The following HMGXB3 variants were observed in gnomAD, a reference collection of about 807,000 sequenced individuals.
HMGXB3 encodes HMG domain-containing protein 3.
HMGXB3 carries 45 observed loss-of-function variants against 121.5 expected under a neutral mutation model. The ratio of observed to expected loss-of-function variants is 0.37; its 90% confidence interval spans 0.29 to 0.47. The LOEUF is 0.47. Among genes scored for constraint, HMGXB3 ranks in the 20% least tolerant of loss-of-function variants. The pLI, the probability that HMGXB3 is intolerant of heterozygous loss-of-function variation, is 0.99. For missense variants in HMGXB3, 1,376 were observed against 1,602.2 expected, an observed-to-expected ratio of 0.86 and a Z score of 2.41; for synonymous variants, 590 against 624.1, an observed-to-expected ratio of 0.95 and a Z score of 0.81.
intron 19 of HMGXB3, 78 bp downstream of exon 19, chr5:150,050,539 T>A: frequency 1.7e-6 from 2 of 1,152,196 alleles, no homozygotes; most frequent in Non-Finnish European, 2.5e-6. Flanking sequence ...TGGAGTGCAG[T>A]GGTGTTATCT....
rs1328374603 is a variant in HMGXB3 at position 150,041,815 on chromosome 5, A to G, written c.2576A>G (p.Gln859Arg). 13 of 1,551,618 alleles carry G rather than the reference A, an allele frequency of 8.4e-6. No homozygotes were observed. Among genetic ancestry groups the G allele is most frequent in the Non-Finnish European group, 1.0e-5 (12 of 1,146,900 alleles). ...ACTCTGACCTCGGAGGAGCTGAGCC[A>G]GCTGCAGGAGCTGCTGTGCAATGGC... ...EKTLTSEELS[Q>R]LQELLCNGYW... is the part of the protein sequence containing the mutation. Residue 859 changes from glutamine (Q) to arginine (R), a missense_variant, in exon 15 of 20, where the codon CAG becomes CGG. Physicochemically the swap from Gln to Arg is conservative, Grantham distance 43 (BLOSUM62 1). Transcript: ENST00000502717.
At chr5:150,043,832 A>T (rs1158921249) in intron 15 of HMGXB3, among the ~76,000 whole-genome samples, 2 of 152,194 alleles carry the variant, frequency 1.3e-5, no homozygotes, top group African/African-American at 4.8e-5. Context: ...TGGGGCTGAG[A>T]TTGACCTTGC....
chr5:150,003,618 C>G (rs911394493), intron 1 of HMGXB3, among the ~76,000 whole-genome samples: 27 of 135,570 alleles, frequency 2.0e-4, no homozygotes, highest in African/African-American at 6.5e-4. Context: ...AAAAAAAAAA[C>G]TTAATGAACT....
intron 13 of HMGXB3, among the ~76,000 whole-genome samples, chr5:150,039,228 A>G (rs1465205500): frequency 6.6e-6 from 1 of 152,218 alleles, no homozygotes; most frequent in Non-Finnish European, 1.5e-5. Flanking sequence ...GTACACATCA[A>G]TTTGGGAAAT....
intron 16 of HMGXB3, 116 bp downstream of exon 16, chr5:150,045,801 T>C: frequency 2.7e-6 from 2 of 751,574 alleles, no homozygotes; most frequent in South Asian, 1.8e-5. Flanking sequence ...GCTGCAGGAC[T>C]CCTTTCAGAA....
At chr5:150,050,581 A>G (rs1756867241) in intron 19 of HMGXB3, 120 bp downstream of exon 19, 1 of 742,872 alleles carries the variant, frequency 1.3e-6, no homozygotes, top group Non-Finnish European at 2.2e-6. Flanking sequence ...TCCCAGGTTC[A>G]AGCAGTTCTC....
intron 5 of HMGXB3, chr5:150,014,851 C>G (rs1409136377): frequency 1.9e-6 from 1 of 512,990 alleles, no homozygotes; most frequent in Non-Finnish European, 3.4e-6. Flanking sequence ...ACTACCTGGT[C>G]TTCCCAAACA....
At chr5:150,017,867 A>G (rs918624612) in intron 5 of HMGXB3, among the ~76,000 whole-genome samples, 1 of 152,268 alleles carries the variant, frequency 6.6e-6, no homozygotes, top group African/African-American at 2.4e-5. Flanking sequence ...TATAACCCAT[A>G]GTAATACATT....
intron 11 of HMGXB3, among the ~76,000 whole-genome samples, chr5:150,034,856 G>A (rs181130750): frequency 3.0e-4 from 46 of 152,290 alleles, no homozygotes; most frequent in African/African-American, 1.1e-3. Context: ...TTCCTGCCAA[G>A]TGGTCTTCCA....
At chr5:150,028,541 GTATA>G (rs1554098997) in intron 9 of HMGXB3, among the ~76,000 whole-genome samples, 1 of 42,090 alleles carries the variant, frequency 2.4e-5, no homozygotes, top group African/African-American at 7.7e-5. Flanking sequence ...GTGTGTGTGT[GTATA>G]TATATATATA....
rs1468231266 is a variant in HMGXB3 at position 150,036,733 on chromosome 5, G to T, written c.2081G>T (p.Arg694Leu). Residue 694 changes from arginine (R) to leucine (L), a missense_variant, in exon 12 of 20, where the codon CGC becomes CTC. Transcript: ENST00000502717. Reference protein sequence around the residue: ...IQRQSTLQLLRKVLQIPENES... With the variant: ...IQRQSTLQLLLKVLQIPENES... ...CGCCAGTCCACACTGCAGCTGCTGCGCAAAGTCCTGCAGATTCCTGAGAAT... is the reference window on the plus strand; with the variant it reads ...CGCCAGTCCACACTGCAGCTGCTGCTCAAAGTCCTGCAGATTCCTGAGAAT... 6.4e-7 allele frequency: 1 copy of T among 1,551,590 alleles called. No individual in the cohort carries two copies. The highest frequency in any genetic ancestry group is 8.7e-7 in the Non-Finnish European group (1 of 1,146,998).
At chr5:150,019,218 A>G (rs1418586765) in intron 6 of HMGXB3, among the ~76,000 whole-genome samples, 1 of 152,162 alleles carries the variant, frequency 6.6e-6, no homozygotes, top group East Asian at 1.9e-4. Context: ...TACCTGTTTC[A>G]TAATTTCCAT....
chr5:150,039,625 T>C (rs10440733), intron 13 of HMGXB3, among the ~76,000 whole-genome samples: 39,082 of 151,958 alleles, frequency 0.26, 8,349 homozygotes, highest in African/African-American at 0.58. Flanking sequence ...GTTTTCATTC[T>C]TCTTTTGGTC....
chr5:150,042,144 G>A (rs1756648135), intron 15 of HMGXB3, among the ~76,000 whole-genome samples, 175 bp downstream of exon 15: 1 of 152,156 alleles, frequency 6.6e-6, no homozygotes. Context: ...GGAAATGGAG[G>A]CATTTGTTTA....
intron 15 of HMGXB3, among the ~76,000 whole-genome samples, chr5:150,044,810 A>G (rs567509074): frequency 6.6e-6 from 1 of 152,342 alleles, no homozygotes; most frequent in African/African-American, 2.4e-5. Context: ...TCACGTTTTG[A>G]GAGCCATATA....
rs759407035 is a variant in HMGXB3, at chr5:150,010,516, T to G, written c.718T>G (p.Leu240Val). 5.1e-5 allele frequency: 79 copies of G among 1,551,612 alleles called. 1 individual carries two copies. The Middle Eastern group carries it at 4.8e-3, about 95-fold the overall frequency. Residue 240 changes from leucine to valine, a missense_variant, in exon 4 of 20, where the codon TTG becomes GTG. Leu to Val is a conservative substitution (Grantham distance 32). Coordinates refer to ENST00000502717, the MANE Select transcript of HMGXB3 (RefSeq NM_014983.3). The part of the protein sequence containing the change: ...YQTSLVIEET[L>V]VNGSPDLPTG... Reference sequence around the variant, plus strand: ...GACAAGCCTGGTAATTGAAGAGACCTTGGTGAATGGCTCACCAGACCTCCC... The same window carrying G: ...GACAAGCCTGGTAATTGAAGAGACCGTGGTGAATGGCTCACCAGACCTCCC...
intron 16 of HMGXB3, chr5:150,047,374 CTTAT>C (rs1485667546): frequency 1.1e-5 from 5 of 461,646 alleles, no homozygotes. Flanking sequence ...TAAAAGCTGA[CTTAT>C]TTTAGGGTTT....
At chr5:150,018,419 G>A in intron 5 of HMGXB3, 147 bp from the exon 6 acceptor site, 1 of 551,110 alleles carries the variant, frequency 1.8e-6, no homozygotes, top group Non-Finnish European at 2.9e-6. Context: ...TGTATTGTAG[G>A]ACCTTTCCAA....
Position 150,052,078 on chromosome 5 carries a change from C to T in HMGXB3, c.3765C>T (p.Cys1255=). ...AGATCCATGACATTGTACAGAGCTG[C>T]CAGCCTGGTGAGGTGGTCATTCGTG... ...NRQIHDIVQS[C]QPGEVVIRDT... is the part of the protein sequence containing the mutation. The change falls in exon 20 of 20, where the codon TGC becomes TGT. Residue 1255 remains cysteine, a synonymous_variant. Coordinates refer to ENST00000502717, the MANE Select transcript of HMGXB3 (RefSeq NM_014983.3). The T allele has an allele frequency of 6.4e-7, 1 of 1,551,928 alleles. No homozygotes were observed. Among genetic ancestry groups the T allele is most frequent in the Non-Finnish European group, 8.7e-7 (1 of 1,147,046 alleles).
Sources: allele counts gnomAD v4.1 joint callset (sites outside exome capture counted in the v4.1 genomes callset), GRCh38; gene constraint gnomAD v4.1.1; transcripts MANE v1.5; gene names NCBI Gene and HGNC (gene_info 2026-07-23, HGNC 2026-07-21).